The following TLL1 variants were observed in gnomAD, a reference collection of about 807,000 sequenced individuals.
TLL1 encodes tolloid like 1.
In TLL1, 49 loss-of-function variants were observed where a neutral mutation model predicts 128.2. That is an observed-to-expected ratio of 0.38 (90% CI 0.30 to 0.48). The LOEUF is 0.48. Ranked by LOEUF, TLL1 falls within the 20% of genes least tolerant of loss-of-function variation. The pLI is 0.96. For missense variants in TLL1, 1,123 were observed against 1,242.0 expected, an observed-to-expected ratio of 0.90 and a Z score of 1.44; for synonymous variants, 454 against 418.8, an observed-to-expected ratio of 1.08 and a Z score of -1.03.
intron 15 of TLL1, among the ~76,000 whole-genome samples, chr4:166,060,402 G>T (rs1331826222): frequency 6.6e-6 from 1 of 152,008 alleles, no homozygotes; most frequent in African/African-American, 2.4e-5. Context: ...CCTAGAGGGA[G>T]TTTTTATTTA....
intron 1 of TLL1, among the ~76,000 whole-genome samples, chr4:165,947,482 A>G (rs1734312420): frequency 6.6e-6 from 1 of 152,102 alleles, no homozygotes; most frequent in South Asian, 2.1e-4. Context: ...ACTGTCAAAC[A>G]AAAAGGAGCA....
At chr4:165,929,197 G>A (rs977777415) in intron 1 of TLL1, among the ~76,000 whole-genome samples, 6 of 152,124 alleles carry the variant, frequency 3.9e-5, no homozygotes, top group African/African-American at 1.4e-4. Flanking sequence ...CCACCAACAC[G>A]ATTTTCTTTG....
chr4:166,029,473 G>T (rs1738656046), intron 9 of TLL1, among the ~76,000 whole-genome samples: 1 of 151,664 alleles, frequency 6.6e-6, no homozygotes, highest in South Asian at 2.1e-4. Context: ...ATGGATTTTT[G>T]TTATTTATTG....
At chr4:165,994,944 G>C (rs998055795) in intron 4 of TLL1, 117 bp from the exon 5 acceptor site, 13 of 778,688 alleles carry the variant, frequency 1.7e-5, no homozygotes, top group Admixed American at 6.3e-5. Context: ...AGTATTCTTT[G>C]GTTGATGATA....
chr4:165,926,283 T>C (rs1175904694), intron 1 of TLL1, among the ~76,000 whole-genome samples: 1 of 152,220 alleles, frequency 6.6e-6, no homozygotes, highest in African/African-American at 2.4e-5. Context: ...TTCATACAGC[T>C]TTAAGACAAT....
Position 166,076,658 on chromosome 4 carries a change from C to T in TLL1, c.2315-1245C>T, listed in dbSNP as rs76170654. 4.6e-3 allele frequency among the ~76,000 whole-genome samples: 707 copies of T among 152,236 alleles called. 6 individuals carry two copies. Among genetic ancestry groups the T allele is most frequent in the African/African-American group, 0.016 (664 of 41,558 alleles). On this transcript the variant is annotated intron_variant, in intron 17 of 20. Coordinates refer to ENST00000061240, the MANE Select transcript of TLL1 (RefSeq NM_012464.5). ...CCTCTCAACCTAGTCTCAGTGTCAT[C>T]GCCACATCCTGCAGAGTTCACATTT... is the stretch of plus-strand genomic sequence containing the variant.
rs997165907 is a variant in TLL1 at position 166,101,774 on chromosome 4, T to C, written c.*898T>C. On this transcript the variant is annotated 3_prime_UTR_variant, in exon 21 of 21. Transcript: ENST00000061240. Reference sequence around the variant, plus strand: ...AAGTTACTGCTGCTGCTATTGTCTTTCCTTTGTTGTCGATCTGTTATTGTT... The same window carrying C: ...AAGTTACTGCTGCTGCTATTGTCTTCCCTTTGTTGTCGATCTGTTATTGTT... The C allele has an allele frequency of 1.3e-5, 2 of 152,470 alleles. No individual in the cohort carries two copies. Among genetic ancestry groups the C allele is most frequent in the East Asian group, 1.9e-4 (1 of 5,162 alleles). The allele number at this position is 152,470 out of a possible 1,614,324, so 9.4% of individuals were successfully genotyped here.
In TLL1 at chr4:165,901,032, T is replaced by G. The variant is rs116983688; in HGVS notation, c.169+26959T>G. ...TTTTCTTCTGCTTGGTTGATTCAGG[T>G]ATTGATACTTATGTTTGCTGCACGA... is the stretch of plus-strand genomic sequence containing the variant. On this transcript the variant is annotated intron_variant, in intron 1 of 20. Transcript: ENST00000061240. Among the ~76,000 whole-genome samples, 363 of 152,130 alleles carry G rather than the reference T, an allele frequency of 2.4e-3. 2 individuals carry two copies. In the East Asian group the frequency reaches 0.043, roughly 18 times the overall value.
At chr4:165,999,738 T>G in intron 5 of TLL1, among the ~76,000 whole-genome samples, 1 of 151,902 alleles carries the variant, frequency 6.6e-6, no homozygotes, top group East Asian at 1.9e-4. Context: ...CCTCCCAAAT[T>G]TCTAGGATTA....
chr4:165,910,679 C>A (rs1285767784), intron 1 of TLL1, among the ~76,000 whole-genome samples: 1 of 152,154 alleles, frequency 6.6e-6, no homozygotes, highest in Non-Finnish European at 1.5e-5. Context: ...CACTATAAGG[C>A]TAAAACTGGA....
chr4:165,949,185 G>A (rs968271871), intron 1 of TLL1, among the ~76,000 whole-genome samples: 3 of 152,112 alleles, frequency 2.0e-5, no homozygotes, highest in African/African-American at 7.2e-5. Flanking sequence ...AGGGCAAGGT[G>A]AGGAGAAATG....
At chr4:166,081,072 G>A (rs1256693104) in intron 18 of TLL1, among the ~76,000 whole-genome samples, 1 of 152,088 alleles carries the variant, frequency 6.6e-6, no homozygotes, top group East Asian at 1.9e-4. Context: ...TCTCTTCATG[G>A]CAGTGAAACT....
At chr4:165,936,658 G>A (rs111819591) in intron 1 of TLL1, among the ~76,000 whole-genome samples, 7 of 152,002 alleles carry the variant, frequency 4.6e-5, no homozygotes, top group African/African-American at 7.2e-5. Flanking sequence ...GAGATCTGCC[G>A]GTCATGGTGG....
At chr4:166,099,862 A>G (rs1328975516) in intron 20 of TLL1, among the ~76,000 whole-genome samples, 2 of 152,132 alleles carry the variant, frequency 1.3e-5, no homozygotes, top group African/African-American at 2.4e-5. Context: ...ACCATAGACA[A>G]TTCTGTCACG....
chr4:166,076,046 C>T (rs1164967340), intron 17 of TLL1, among the ~76,000 whole-genome samples: 4 of 151,910 alleles, frequency 2.6e-5, no homozygotes, highest in African/African-American at 9.7e-5. Flanking sequence ...GGAAATAGGC[C>T]CAGGTTTTTG....
At chr4:166,048,140 G>A (rs1474682845) in intron 12 of TLL1, among the ~76,000 whole-genome samples, 1 of 151,596 alleles carries the variant, frequency 6.6e-6, no homozygotes. Flanking sequence ...AGAGGCTGAG[G>A]CAGGAGAATC....
chr4:165,957,748 C>T (rs905604384), intron 1 of TLL1, among the ~76,000 whole-genome samples: 9 of 149,798 alleles, frequency 6.0e-5, no homozygotes, highest in Non-Finnish European at 1.3e-4. Flanking sequence ...TTTTAGGGTA[C>T]ATGTGCACAA....
At chr4:165,941,299 T>A (rs983282125) in intron 1 of TLL1, among the ~76,000 whole-genome samples, 1 of 152,130 alleles carries the variant, frequency 6.6e-6, no homozygotes, top group Non-Finnish European at 1.5e-5. Flanking sequence ...TGAGAAGGGG[T>A]AATTTTTCTG....
At chr4:166,054,792 G>C (rs558989281) in intron 12 of TLL1, among the ~76,000 whole-genome samples, 2 of 151,872 alleles carry the variant, frequency 1.3e-5, no homozygotes, top group East Asian at 3.9e-4. Flanking sequence ...ATTTCTACTT[G>C]TAGTTTAATT....
Sources: gnomAD v4.1 joint callset for allele counts (sites outside exome capture counted in the v4.1 genomes callset) on GRCh38, gnomAD v4.1.1 for gene constraint, MANE v1.5 for transcripts, NCBI Gene and HGNC (gene_info 2026-07-23, HGNC 2026-07-21) for gene names.